The following CNTNAP2 variants were observed in gnomAD, a reference collection of about 807,000 sequenced individuals.
CNTNAP2 encodes the protein contactin-associated protein-like 2.
Under a neutral mutation model 155.2 loss-of-function variants are expected in CNTNAP2, and 98 were observed. That is an observed-to-expected ratio of 0.63 (90% CI 0.54 to 0.75). The LOEUF (loss-of-function observed/expected upper bound fraction) is 0.75, where lower values mean the gene tolerates loss of function less well. Among genes scored for constraint, CNTNAP2 ranks in the 30% least tolerant of loss-of-function variants. The pLI is 0.00. For synonymous variants in CNTNAP2, 651 were observed against 631.2 expected (o/e 1.03, Z -0.47); for missense variants, 1,727 against 1,688.1 (o/e 1.02, Z -0.40).
At chr7:146,404,087 T>G (rs1173654130) in intron 1 of CNTNAP2, among the ~76,000 whole-genome samples, 1 of 130,800 alleles carries the variant, frequency 7.6e-6, no homozygotes, top group Non-Finnish European at 1.5e-5. Flanking sequence ...ATCCCGCCAC[T>G]GCACTCCAGC....
intron 1 of CNTNAP2, among the ~76,000 whole-genome samples, chr7:146,745,126 G>A (rs1801787446): frequency 6.6e-6 from 1 of 151,998 alleles, no homozygotes; most frequent in African/African-American, 2.4e-5. Flanking sequence ...ATCCCATCAT[G>A]GTTTTAGAAA....
At chr7:147,294,293 T>C (rs1212195098) in intron 8 of CNTNAP2, among the ~76,000 whole-genome samples, 4 of 152,188 alleles carry the variant, frequency 2.6e-5, no homozygotes, top group Admixed American at 6.5e-5. Context: ...ATAAATCATT[T>C]AGAAAGTTCA....
chr7:146,987,813 G>A (rs368991507), intron 3 of CNTNAP2, among the ~76,000 whole-genome samples: 25 of 151,990 alleles, frequency 1.6e-4, no homozygotes, highest in South Asian at 1.2e-3. Context: ...AAACTCTTTC[G>A]GTCTCAAATT....
intron 8 of CNTNAP2, among the ~76,000 whole-genome samples, chr7:147,189,467 T>G: frequency 6.6e-6 from 1 of 152,102 alleles, no homozygotes. Context: ...TCCTTGGAAC[T>G]TTGCTGAGAA....
chr7:146,556,580 A>G (rs763852258), intron 1 of CNTNAP2, among the ~76,000 whole-genome samples: 6 of 152,192 alleles, frequency 3.9e-5, no homozygotes, highest in Non-Finnish European at 7.3e-5. Flanking sequence ...GAACAAAAGA[A>G]GAAAGACAGA....
intron 21 of CNTNAP2, among the ~76,000 whole-genome samples, chr7:148,357,414 C>A (rs961080666): frequency 1.3e-5 from 2 of 152,180 alleles, no homozygotes; most frequent in African/African-American, 4.8e-5. Context: ...TGAGAACAGA[C>A]TAATACACCA....
chr7:147,435,393 G>C (rs1481770289), intron 10 of CNTNAP2, among the ~76,000 whole-genome samples: 1 of 152,192 alleles, frequency 6.6e-6, no homozygotes. Context: ...TTGATTGCTA[G>C]AGTAGGAGAA....
At chr7:148,146,179 A>G (rs1255084389) in intron 16 of CNTNAP2, among the ~76,000 whole-genome samples, 1 of 152,220 alleles carries the variant, frequency 6.6e-6, no homozygotes, top group Non-Finnish European at 1.5e-5. Flanking sequence ...AAAAAATGAC[A>G]GATATTTAAT....
intron 6 of CNTNAP2, among the ~76,000 whole-genome samples, chr7:147,126,551 G>A (rs989696624): frequency 2.0e-5 from 3 of 152,244 alleles, no homozygotes; most frequent in Non-Finnish European, 4.4e-5. Flanking sequence ...TCAGCTCACC[G>A]CAATCTCCGC....
chr7:147,805,621 T>A (rs887525783), intron 13 of CNTNAP2, among the ~76,000 whole-genome samples: 4 of 152,078 alleles, frequency 2.6e-5, no homozygotes, highest in Admixed American at 6.6e-5. Context: ...TGGTTGAGAG[T>A]TTTTTATCAT....
intron 1 of CNTNAP2, among the ~76,000 whole-genome samples, chr7:146,239,789 C>A (rs930022397): frequency 9.2e-5 from 14 of 152,268 alleles, no homozygotes; most frequent in Middle Eastern, 3.4e-3. Context: ...CAGGCAAGCA[C>A]TAGAAAACCA....
At chr7:147,570,548 C>T (rs1460528222) in intron 12 of CNTNAP2, among the ~76,000 whole-genome samples, 2 of 152,132 alleles carry the variant, frequency 1.3e-5, no homozygotes, top group Non-Finnish European at 2.9e-5. Context: ...AGTCACTGTG[C>T]AATAAAGATT....
chr7:146,229,253 C>A (rs998901144), intron 1 of CNTNAP2, among the ~76,000 whole-genome samples: 3 of 152,120 alleles, frequency 2.0e-5, no homozygotes, highest in African/African-American at 7.2e-5. Context: ...ACTGGAATGT[C>A]AGAAAACACT....
At chr7:147,132,152 C>G (rs1403145974) in intron 7 of CNTNAP2, 93 bp from the exon 8 acceptor site, 5 of 1,541,608 alleles carry the variant, frequency 3.2e-6, no homozygotes, top group South Asian at 1.1e-5. Context: ...GGCTGTGCTT[C>G]AAAACTTGTA....
intron 8 of CNTNAP2, among the ~76,000 whole-genome samples, chr7:147,198,744 A>G (rs6949525): frequency 0.95 from 144,405 of 152,142 alleles, 68,602 homozygotes; most frequent in East Asian, 1. Flanking sequence ...TGAATAATGA[A>G]CCTAAAACCC....
chr7:148,078,708 T>A (rs1803542868), intron 15 of CNTNAP2, among the ~76,000 whole-genome samples: 1 of 152,196 alleles, frequency 6.6e-6, no homozygotes, highest in Non-Finnish European at 1.5e-5. Context: ...CTCTAACCCC[T>A]GACCTCAGAT....
At chr7:146,538,243 A>C (rs370899679) in intron 1 of CNTNAP2, among the ~76,000 whole-genome samples, 3 of 152,134 alleles carry the variant, frequency 2.0e-5, no homozygotes, top group African/African-American at 7.2e-5. Context: ...ACTTTAATTT[A>C]TGTGGCCATG....
intron 13 of CNTNAP2, among the ~76,000 whole-genome samples, chr7:147,653,524 A>G (rs959203992): frequency 1.3e-5 from 2 of 152,226 alleles, no homozygotes; most frequent in Non-Finnish European, 2.9e-5. Flanking sequence ...GCTTCCTGTC[A>G]AAAACAAACA....
intron 13 of CNTNAP2, among the ~76,000 whole-genome samples, chr7:147,767,158 A>T (rs1424335836): frequency 6.6e-6 from 1 of 152,100 alleles, no homozygotes; most frequent in African/African-American, 2.4e-5. Flanking sequence ...TAAATAAGGG[A>T]TACCTTTAAA....
Sources: gnomAD v4.1 joint callset for allele counts (sites outside exome capture counted in the v4.1 genomes callset) on GRCh38, gnomAD v4.1.1 for gene constraint, MANE v1.5 for transcripts, NCBI Gene and HGNC (gene_info 2026-07-23, HGNC 2026-07-21) for gene names.